The following THSD4 variants were observed in gnomAD, a reference collection of about 807,000 sequenced individuals.
THSD4 encodes thrombospondin type-1 domain-containing protein 4.
Under a neutral mutation model 119.0 loss-of-function variants are expected in THSD4, and 69 were observed. The observed-to-expected ratio is 0.58, with a 90% CI of 0.48 to 0.71. The LOEUF (loss-of-function observed/expected upper bound fraction) is 0.71, where lower values mean the gene tolerates loss of function less well. Among genes scored for constraint, THSD4 ranks in the 30% least tolerant of loss-of-function variants. THSD4 has a pLI of 0.00. For missense variants in THSD4, 1,393 were observed against 1,391.1 expected (o/e 1.00, Z -0.02); for synonymous variants, 524 against 540.4 (o/e 0.97, Z 0.42).
chr15:71,282,999 T>C (rs2044672924), intron 6 of THSD4, among the ~76,000 whole-genome samples: 1 of 150,162 alleles, frequency 6.7e-6, no homozygotes, highest in Admixed American at 6.6e-5. Context: ...AGACGGAGTT[T>C]TGCACTGTCA....
At chr15:71,209,447 G>T (rs992512714) in intron 3 of THSD4, among the ~76,000 whole-genome samples, 1 of 152,170 alleles carries the variant, frequency 6.6e-6, no homozygotes, top group African/African-American at 2.4e-5. Context: ...AGTAGTTAGG[G>T]CAGATAAGGG....
intron 8 of THSD4, among the ~76,000 whole-genome samples, chr15:71,689,518 C>G (rs983895414): frequency 1.3e-5 from 2 of 152,156 alleles, no homozygotes; most frequent in African/African-American, 4.8e-5. Context: ...TAAGCCTTCC[C>G]CCTCAGTGCT....
At chr15:71,285,057 C>T (rs1006218214) in intron 6 of THSD4, among the ~76,000 whole-genome samples, 12 of 152,210 alleles carry the variant, frequency 7.9e-5, no homozygotes, top group African/African-American at 2.9e-4. Flanking sequence ...TCACCAGCCT[C>T]TGTCCAGGCT....
intron 7 of THSD4, among the ~76,000 whole-genome samples, chr15:71,563,268 G>A (rs935052070): frequency 5.3e-5 from 8 of 152,150 alleles, no homozygotes; most frequent in Non-Finnish European, 1.2e-4. Flanking sequence ...AAGAGGCATG[G>A]TGGAGTCTTG....
chr15:71,530,036 A>T (rs1193490851), intron 7 of THSD4, among the ~76,000 whole-genome samples: 1 of 152,200 alleles, frequency 6.6e-6, no homozygotes, highest in Non-Finnish European at 1.5e-5. Flanking sequence ...TGTTATGGTA[A>T]CTACTTCTAC....
At chr15:71,303,241 G>A (rs1316102364) in intron 6 of THSD4, among the ~76,000 whole-genome samples, 3 of 152,196 alleles carry the variant, frequency 2.0e-5, no homozygotes, top group South Asian at 2.1e-4. Context: ...TCTGGGCGCC[G>A]CGCATTTGCC....
chr15:71,593,765 A>G (rs2049853369), intron 7 of THSD4, among the ~76,000 whole-genome samples: 1 of 151,872 alleles, frequency 6.6e-6, no homozygotes, highest in Non-Finnish European at 1.5e-5. Flanking sequence ...TTAGCCAGGC[A>G]TGGTGGCATG....
At chr15:71,728,507 A>G (rs2052907677) in intron 8 of THSD4, 42 bp from the exon 9 acceptor site, 8 of 1,605,880 alleles carry the variant, frequency 5.0e-6, no homozygotes, top group Non-Finnish European at 6.0e-6. Flanking sequence ...TCTTGTGCAC[A>G]CCCTGGGCTT....
At chr15:71,644,819 G>A (rs1324850299) in intron 7 of THSD4, among the ~76,000 whole-genome samples, 1 of 152,124 alleles carries the variant, frequency 6.6e-6, no homozygotes, top group East Asian at 1.9e-4. Flanking sequence ...TAGTATTCAA[G>A]TAGACACTTC....
In THSD4 at chr15:71,745,174, G is replaced by A; in HGVS notation, c.1975G>A (p.Asp659Asn). 1 of 1,612,870 alleles carries A rather than the reference G, an allele frequency of 6.2e-7. No individual in the cohort carries two copies. The highest frequency in any genetic ancestry group is 8.5e-7 in the Non-Finnish European group (1 of 1,179,980). The change falls in exon 12 of 18, where the codon GAC (aspartate) becomes AAC (asparagine). Residue 659 changes from aspartate (D) to asparagine (N), a missense_variant. Transcript: ENST00000261862. ...THEEAPESYC[D>N]SSMKPTPEEE... ...TGAAGAGGCTCCTGAGAGTTACTGT[G>A]ACTCCAGCATGAAGCCGACCCCCGA...
chr15:71,362,229 A>G (rs1596366963), intron 6 of THSD4, among the ~76,000 whole-genome samples: 2 of 152,340 alleles, frequency 1.3e-5, no homozygotes, highest in South Asian at 4.1e-4. Flanking sequence ...CAGTGAGCCA[A>G]GATGGTGCTA....
At chr15:71,607,436 G>A (rs886243423) in intron 7 of THSD4, among the ~76,000 whole-genome samples, 1 of 152,236 alleles carries the variant, frequency 6.6e-6, no homozygotes, top group Non-Finnish European at 1.5e-5. Flanking sequence ...CAAGGCCCAA[G>A]TATCATGCCC....
intron 7 of THSD4, among the ~76,000 whole-genome samples, chr15:71,631,862 G>A (rs1302301255): frequency 9.9e-5 from 15 of 152,178 alleles, no homozygotes; most frequent in Non-Finnish European, 1.8e-4. Context: ...TCGGTTCAGG[G>A]AACTATCATT....
chr15:71,699,390 T>G (rs1384827356), intron 8 of THSD4, among the ~76,000 whole-genome samples: 2 of 147,544 alleles, frequency 1.4e-5, no homozygotes, highest in Non-Finnish European at 3.0e-5. Context: ...TTTTTTTGTA[T>G]TTTTAGTAGA....
At chr15:71,692,817 G>A (rs958819166) in intron 8 of THSD4, among the ~76,000 whole-genome samples, 2 of 152,194 alleles carry the variant, frequency 1.3e-5, no homozygotes, top group African/African-American at 2.4e-5. Context: ...TTCCAGGGAA[G>A]ACAATTTGGG....
chr15:71,391,713 A>C (rs1365234495), intron 6 of THSD4, among the ~76,000 whole-genome samples: 1 of 152,192 alleles, frequency 6.6e-6, no homozygotes, highest in Non-Finnish European at 1.5e-5. Context: ...TCACTGAAGG[A>C]AAAGAATAGT....
chr15:71,451,550 G>T (rs1372226076), intron 7 of THSD4, among the ~76,000 whole-genome samples: 1 of 152,160 alleles, frequency 6.6e-6, no homozygotes, highest in African/African-American at 2.4e-5. Flanking sequence ...GGCATATTTT[G>T]GGGTGGCATT....
intron 6 of THSD4, among the ~76,000 whole-genome samples, chr15:71,287,993 G>C (rs1326590420): frequency 2.0e-5 from 3 of 152,012 alleles, no homozygotes; most frequent in Non-Finnish European, 2.9e-5. Context: ...CTTTATACAC[G>C]ACGCGCAACA....
At chr15:71,507,130 T>A (rs1266348299) in intron 7 of THSD4, among the ~76,000 whole-genome samples, 3 of 151,276 alleles carry the variant, frequency 2.0e-5, no homozygotes, top group South Asian at 2.1e-4. Context: ...CCAGGGGAGG[T>A]CGCTGAAGCT....
Sources: gnomAD v4.1 joint callset for allele counts (sites outside exome capture counted in the v4.1 genomes callset) on GRCh38, gnomAD v4.1.1 for gene constraint, MANE v1.5 for transcripts, NCBI Gene and HGNC (gene_info 2026-07-23, HGNC 2026-07-21) for gene names.